ARHGAP22: variants seen among roughly 807,000 people sequenced by gnomAD.
ARHGAP22 encodes the protein rho GTPase-activating protein 22.
ARHGAP22 carries 48 observed loss-of-function variants against 59.1 expected under a neutral mutation model. The ratio of observed to expected loss-of-function variants is 0.81; its 90% confidence interval spans 0.64 to 1.03. The LOEUF is 1.03. Ranked by LOEUF, ARHGAP22 falls within the 50% of genes least tolerant of loss-of-function variation. The probability of loss-of-function intolerance (pLI) is 0.00; values close to 1 mark genes in which losing one functional copy is unlikely to be tolerated. For missense variants in ARHGAP22, 1,015 were observed against 958.7 expected (o/e 1.06, Z -0.78); for synonymous variants, 445 against 416.4 (o/e 1.07, Z -0.84).
chr10:48,438,188 C>T, the ARHGAP22 span: 1 of 152,184 alleles, frequency 6.6e-6, no homozygotes, highest in Non-Finnish European at 1.5e-5. Flanking sequence ...CCCATGACAC[C>T]AGTAAACTTC....
chr10:48,432,054 T>C, the ARHGAP22 span, among the ~76,000 whole-genome samples: 1 of 152,186 alleles, frequency 6.6e-6, no homozygotes, highest in African/African-American at 2.4e-5. Flanking sequence ...GAGTGTGTGG[T>C]TTTTTCAGCC....
Position 48,611,807 on chromosome 10 carries a change from T to TTCCCTTCCCTTCC in ARHGAP22, c.53-28656_53-28655insGGAAGGGAAGGGA, listed in dbSNP as rs2060896349. Among the ~76,000 whole-genome samples, 13 of 35,292 alleles carry TTCCCTTCCCTTCC rather than the reference T, an allele frequency of 3.7e-4. 1 individual carries two copies. Among genetic ancestry groups the TTCCCTTCCCTTCC allele is most frequent in the African/African-American group, 1.3e-3 (11 of 8,744 alleles). The allele number at this position is 35,292 out of a possible 152,430, so 23.2% of individuals were successfully genotyped here. On this transcript the variant is annotated intron_variant, in intron 1 of 9. Coordinates refer to the ARHGAP22 transcript ENST00000435790. ...TGCTCCTTTCCCTTCCCTTCCCTTCTCTTCCCTTCCCTTCCCTTCCCTTCC... is the reference window on the plus strand; with the variant it reads ...TGCTCCTTTCCCTTCCCTTCCCTTCTTCCCTTCCCTTCCCTTCCCTTCCCTTCCCTTCCCTTCC...
At chr10:48,539,141 A>G (rs796634063) in intron 3 of ARHGAP22, among the ~76,000 whole-genome samples, 2 of 152,212 alleles carry the variant, frequency 1.3e-5, no homozygotes, top group South Asian at 4.1e-4. Flanking sequence ...AATGGGCACA[A>G]AAATATGCTC....
chr10:48,459,942 G>A, intron 4 of ARHGAP22, 51 bp from the exon 5 acceptor site: 3 of 1,566,692 alleles, frequency 1.9e-6, no homozygotes, highest in Non-Finnish European at 2.6e-6. Flanking sequence ...GCTCAGTGTT[G>A]GGTGCTCAGG....
chr10:48,538,797 CAG>C (rs1203650297), intron 3 of ARHGAP22, among the ~76,000 whole-genome samples: 9 of 152,180 alleles, frequency 5.9e-5, no homozygotes, highest in Non-Finnish European at 1.2e-4. Flanking sequence ...CACTCTGCTT[CAG>C]AGACTTTCCA....
upstream of ARHGAP22, among the ~76,000 whole-genome samples, chr10:48,605,905 G>A (rs2060653179): frequency 6.6e-6 from 1 of 152,122 alleles, no homozygotes; most frequent in South Asian, 2.1e-4. Flanking sequence ...CCAGAACCCA[G>A]GGCTGTGTCT....
rs1589942624 is a variant in ARHGAP22 at position 48,524,886 on chromosome 10, T to C, written c.322+30577A>G. Among the ~76,000 whole-genome samples the C allele has an allele frequency of 2.0e-5, 3 of 152,208 alleles. No homozygotes were observed. The East Asian group carries it at 5.8e-4, about 29-fold the overall frequency. ...AATTAAGTTATTCAAACTCTCTCTGTGCCCAGTTTCCCCACCTATAAAACA... is the reference window on the plus strand; with the variant it reads ...AATTAAGTTATTCAAACTCTCTCTGCGCCCAGTTTCCCCACCTATAAAACA... On this transcript the variant is annotated intron_variant, in intron 3 of 9. Coordinates refer to ENST00000249601, the MANE Select transcript of ARHGAP22 (RefSeq NM_021226.4).
intron 3 of ARHGAP22, among the ~76,000 whole-genome samples, chr10:48,493,196 GT>G: frequency 6.6e-6 from 1 of 152,282 alleles, no homozygotes; most frequent in Non-Finnish European, 1.5e-5. Context: ...TGTGTGTGTG[GT>G]GTTAGCCCTG....
chr10:48,625,987 A>G (rs1158375587), intron 1 of ARHGAP22, among the ~76,000 whole-genome samples: 2 of 152,198 alleles, frequency 1.3e-5, no homozygotes, highest in Admixed American at 6.5e-5. Context: ...TAGTCCCAAG[A>G]GAGACCTGGG....
intron 3 of ARHGAP22, among the ~76,000 whole-genome samples, chr10:48,543,703 T>G (rs2056176808): frequency 6.6e-6 from 1 of 152,034 alleles, no homozygotes; most frequent in Admixed American, 6.5e-5. Context: ...CACCAGGAAA[T>G]TTGAGAAGCA....
intron 2 of ARHGAP22, among the ~76,000 whole-genome samples, chr10:48,577,225 T>C (rs1426544731): frequency 6.6e-6 from 1 of 152,178 alleles, no homozygotes; most frequent in Non-Finnish European, 1.5e-5. Flanking sequence ...GACTCTTCCG[T>C]ATTTAGAGAT....
chr10:48,649,308 G>C (rs952650401), intron 1 of ARHGAP22, among the ~76,000 whole-genome samples: 6 of 152,110 alleles, frequency 3.9e-5, no homozygotes, highest in African/African-American at 1.4e-4. Context: ...GGGGGAGAGA[G>C]TCTGCTCTGG....
At chr10:48,605,770 C>T (rs1336499341), upstream of ARHGAP22, among the ~76,000 whole-genome samples, 1 of 152,156 alleles carries the variant, frequency 6.6e-6, no homozygotes, top group East Asian at 1.9e-4. Context: ...CATTCAATAT[C>T]TCATTTAACT....
At chr10:48,608,267 A>G (rs1353822678), upstream of ARHGAP22, among the ~76,000 whole-genome samples, 1 of 152,190 alleles carries the variant, frequency 6.6e-6, no homozygotes, top group Non-Finnish European at 1.5e-5. Flanking sequence ...AACTTGAGAC[A>G]ACTCCACCCA....
chr10:48,652,302 T>A (rs1224796457), exon 1 of ARHGAP22: 4 of 1,535,440 alleles, frequency 2.6e-6, no homozygotes, highest in Non-Finnish European at 3.5e-6. Flanking sequence ...GCTGGCAGTC[T>A]GTGCAAATTT....
At chr10:48,478,278 G>T (rs2048931519) in intron 4 of ARHGAP22, among the ~76,000 whole-genome samples, 1 of 152,216 alleles carries the variant, frequency 6.6e-6, no homozygotes, top group Non-Finnish European at 1.5e-5. Flanking sequence ...CAGGGATCAA[G>T]GAGACCAAGG....
intron 3 of ARHGAP22, among the ~76,000 whole-genome samples, chr10:48,539,074 G>A (rs1452396679): frequency 1.3e-5 from 2 of 152,170 alleles, no homozygotes; most frequent in South Asian, 2.1e-4. Context: ...AGCTTGGAAC[G>A]TCTCACCATT....
intron 3 of ARHGAP22, among the ~76,000 whole-genome samples, chr10:48,539,945 A>C (rs1229250863): frequency 6.6e-6 from 1 of 152,224 alleles, no homozygotes; most frequent in Non-Finnish European, 1.5e-5. Context: ...AACACGTTTA[A>C]CATCCTACAT....
upstream of ARHGAP22, among the ~76,000 whole-genome samples, chr10:48,605,814 C>T (rs1361415589): frequency 1.3e-5 from 2 of 152,236 alleles, no homozygotes; most frequent in East Asian, 3.9e-4. Context: ...ATATATATAG[C>T]GTTTCAAATC....
Sources: gnomAD v4.1 joint callset for allele counts (sites outside exome capture counted in the v4.1 genomes callset) on GRCh38, gnomAD v4.1.1 for gene constraint, MANE v1.5 for transcripts, NCBI Gene and HGNC (gene_info 2026-07-23, HGNC 2026-07-21) for gene names.